LINGO2: variants seen among roughly 807,000 people sequenced by gnomAD.
LINGO2 encodes leucine rich repeat and Ig domain containing 2, also known as leucine-rich repeat and immunoglobulin-like domain-containing nogo receptor-interacting protein 2.
LINGO2 carries 14 observed loss-of-function variants against 30.6 expected under a neutral mutation model. The ratio of observed to expected loss-of-function variants is 0.46; its 90% CI spans 0.30 to 0.72. The LOEUF (loss-of-function observed/expected upper bound fraction) is 0.72. LINGO2 is among the 30% of genes least tolerant of loss of function. The pLI is 0.07. For missense variants in LINGO2, 729 were observed against 751.7 expected, an observed-to-expected ratio of 0.97 and a Z score of 0.35; for synonymous variants, 317 against 288.5, an observed-to-expected ratio of 1.10 and a Z score of -1.00.
the LINGO2 span, among the ~76,000 whole-genome samples, chr9:29,033,398 A>ATATC: frequency 5.3e-5 from 8 of 149,764 alleles, no homozygotes; most frequent in Non-Finnish European, 1.2e-4. Context: ...ATATATATAT[A>ATATC]TCTCTTCTAT....
At chr9:28,078,823 G>A (rs1037568629) in intron 4 of LINGO2, among the ~76,000 whole-genome samples, 1 of 145,716 alleles carries the variant, frequency 6.9e-6, no homozygotes, top group African/African-American at 2.7e-5. Flanking sequence ...ACTCCAGCCT[G>A]GGCAACAAGA....
chr9:28,253,761 C>T (rs1822287992), intron 4 of LINGO2, among the ~76,000 whole-genome samples: 1 of 152,072 alleles, frequency 6.6e-6, no homozygotes, highest in Admixed American at 6.6e-5. Context: ...GTCTCAGTTT[C>T]ATTTGTAAAA....
At chr9:28,426,400 T>C (rs1414752001) in intron 2 of LINGO2, among the ~76,000 whole-genome samples, 2 of 152,136 alleles carry the variant, frequency 1.3e-5, no homozygotes, top group Non-Finnish European at 1.5e-5. Flanking sequence ...GCTCATGTTT[T>C]TAAAATAAAA....
At chr9:29,122,210 A>G in the LINGO2 span, among the ~76,000 whole-genome samples, 8 of 152,118 alleles carry the variant, frequency 5.3e-5, no homozygotes, top group Admixed American at 1.3e-4. Context: ...GAAACTAAAT[A>G]CGTATGTTCA....
At chr9:28,517,646 G>A (rs1820673352) in intron 1 of LINGO2, among the ~76,000 whole-genome samples, 1 of 152,146 alleles carries the variant, frequency 6.6e-6, no homozygotes, top group South Asian at 2.1e-4. Flanking sequence ...CTAGAGTTGA[G>A]GAGGTACAAA....
intron 3 of LINGO2, among the ~76,000 whole-genome samples, chr9:28,333,988 T>C (rs1363025932): frequency 1.3e-5 from 2 of 152,162 alleles, no homozygotes; most frequent in Non-Finnish European, 2.9e-5. Context: ...TTAGCAAAAT[T>C]ATCAAGAATT....
chr9:29,110,363 T>A, the LINGO2 span, among the ~76,000 whole-genome samples: 1 of 152,040 alleles, frequency 6.6e-6, no homozygotes, highest in Non-Finnish European at 1.5e-5. Flanking sequence ...GACGGAGTCT[T>A]GCTCCGTCGC....
At chr9:28,653,927 C>T (rs1407963231) in intron 1 of LINGO2, among the ~76,000 whole-genome samples, 1 of 152,000 alleles carries the variant, frequency 6.6e-6, no homozygotes, top group African/African-American at 2.4e-5. Context: ...TATTATAAAA[C>T]AACATTATAG....
the LINGO2 span, among the ~76,000 whole-genome samples, chr9:29,194,874 G>A: frequency 3.3e-5 from 5 of 152,064 alleles, 1 homozygote; most frequent in African/African-American, 1.2e-4. Context: ...AATTTCCTCA[G>A]TATAACTTGT....
chr9:28,083,270 G>A (rs937130252), intron 4 of LINGO2, among the ~76,000 whole-genome samples: 8 of 152,168 alleles, frequency 5.3e-5, no homozygotes, highest in Non-Finnish European at 8.8e-5. Context: ...TCCTGGCTTT[G>A]GCCCCAGCTC....
At chr9:28,704,573 T>C in the LINGO2 span, among the ~76,000 whole-genome samples, 1 of 152,084 alleles carries the variant, frequency 6.6e-6, no homozygotes, top group South Asian at 2.1e-4. Context: ...ACCACAGTTC[T>C]TGGGTATTCT....
chr9:28,141,819 G>A (rs1827680974), intron 4 of LINGO2, among the ~76,000 whole-genome samples: 2 of 152,168 alleles, frequency 1.3e-5, no homozygotes, highest in South Asian at 4.1e-4. Context: ...AGCTGAGGCA[G>A]GAGAATCACT....
intron 1 of LINGO2, among the ~76,000 whole-genome samples, chr9:28,623,568 G>A (rs183404099): frequency 6.6e-6 from 1 of 152,012 alleles, no homozygotes; most frequent in African/African-American, 2.4e-5. Context: ...CTGTTTCTAT[G>A]TCAGTACCAT....
At chr9:29,031,600 T>A in the LINGO2 span, among the ~76,000 whole-genome samples, 2 of 152,128 alleles carry the variant, frequency 1.3e-5, no homozygotes, top group African/African-American at 4.8e-5. Flanking sequence ...ATGTTATTTT[T>A]AAATCCATAT....
At chr9:29,094,052 A>C in the LINGO2 span, among the ~76,000 whole-genome samples, 2 of 138,828 alleles carry the variant, frequency 1.4e-5, no homozygotes, top group African/African-American at 5.4e-5. Context: ...AAGGCCATCT[A>C]TATACTCTAG....
chr9:29,187,700 T>C, the LINGO2 span, among the ~76,000 whole-genome samples: 5 of 152,096 alleles, frequency 3.3e-5, 1 homozygote, highest in South Asian at 1.0e-3. Flanking sequence ...TATATAAAAA[T>C]TAATCCTATC....
the LINGO2 span, among the ~76,000 whole-genome samples, chr9:29,148,999 A>G: frequency 6.6e-6 from 1 of 152,180 alleles, no homozygotes; most frequent in Non-Finnish European, 1.5e-5. Context: ...CATCTAATGT[A>G]AGAATTTCAG....
chr9:29,063,383 G>A, the LINGO2 span, among the ~76,000 whole-genome samples: 1 of 151,040 alleles, frequency 6.6e-6, no homozygotes, highest in Non-Finnish European at 1.5e-5. Flanking sequence ...GAAACTTTTA[G>A]TCCTATAGCA....
chr9:28,433,949 C>CTCTATATATATATATATATA (rs1225323260), intron 2 of LINGO2, among the ~76,000 whole-genome samples: 18 of 88,544 alleles, frequency 2.0e-4, no homozygotes, highest in African/African-American at 8.1e-4. Flanking sequence ...CTCTCTCTCT[C>CTCTATATATATATATATATA]TATATATATA....
Sources: allele counts gnomAD v4.1 joint callset (sites outside exome capture counted in the v4.1 genomes callset), GRCh38; gene constraint gnomAD v4.1.1; transcripts MANE v1.5; gene names NCBI Gene and HGNC (gene_info 2026-07-23, HGNC 2026-07-21).